Variants in MEGF11 observed in about 807,000 individuals in gnomAD.
MEGF11 encodes the protein multiple epidermal growth factor-like domains protein 11.
In MEGF11, 126 loss-of-function variants were observed where a neutral mutation model predicts 146.6. The observed-to-expected ratio is 0.86, with a 90% CI of 0.74 to 1.00. The LOEUF (loss-of-function observed/expected upper bound fraction) is 1.00, where lower values mean the gene tolerates loss of function less well. Among genes scored for constraint, MEGF11 ranks in the 50% least tolerant of loss-of-function variants. The pLI is 0.00. For synonymous variants in MEGF11, 532 were observed against 583.4 expected, an observed-to-expected ratio of 0.91 and a Z score of 1.27; for missense variants, 1,509 against 1,521.2, an observed-to-expected ratio of 0.99 and a Z score of 0.13.
At position 65,979,865 on chromosome 15, in the gene MEGF11, C is replaced by CT. The variant is rs1222505259; in HGVS notation, c.762+912dup. Among the ~76,000 whole-genome samples, 7 of 152,216 alleles carry CT rather than the reference C, an allele frequency of 4.6e-5. No individual in the cohort carries two copies. In the East Asian group the frequency reaches 1.3e-3, roughly 29 times the overall value. ...CTTGGGGGAAGGGGAGTAATTGAGG[C>CT]TTTTTTCAGGGTCAACATTGGCTTT... is the stretch of plus-strand genomic sequence containing the variant. On this transcript the variant is annotated intron_variant, in intron 7 of 25. Coordinates refer to ENST00000395614, the MANE Select transcript of MEGF11 (RefSeq NM_001385028.1).
chr15:66,107,970 G>T (rs2087178226), intron 4 of MEGF11, among the ~76,000 whole-genome samples: 1 of 152,178 alleles, frequency 6.6e-6, no homozygotes, highest in Admixed American at 6.5e-5. Flanking sequence ...CCGGGGCTGG[G>T]TAGGGAGGTG....
chr15:66,103,699 C>T (rs568319171), intron 4 of MEGF11, among the ~76,000 whole-genome samples: 120 of 152,250 alleles, frequency 7.9e-4, no homozygotes, highest in Non-Finnish European at 1.4e-3. Flanking sequence ...CCATCATATT[C>T]TCTTGTGGCA....
intron 5 of MEGF11, among the ~76,000 whole-genome samples, chr15:66,013,910 A>T (rs915003239): frequency 6.6e-6 from 1 of 152,220 alleles, no homozygotes; most frequent in Non-Finnish European, 1.5e-5. Flanking sequence ...GGGCCAGATC[A>T]TAGAGGTCTT....
chr15:65,935,309 G>GA (rs1346404698), intron 10 of MEGF11, among the ~76,000 whole-genome samples: 1 of 114,196 alleles, frequency 8.8e-6, no homozygotes, highest in Non-Finnish European at 1.6e-5. Flanking sequence ...GACAGAGCGA[G>GA]ACTCCGTCTC....
chr15:65,993,229 C>T (rs1299407614), intron 5 of MEGF11, among the ~76,000 whole-genome samples: 3 of 152,206 alleles, frequency 2.0e-5, no homozygotes, highest in Non-Finnish European at 2.9e-5. Context: ...GACCCCAGCA[C>T]TTTCACCTTA....
At chr15:66,103,283 A>G (rs911340142) in intron 4 of MEGF11, among the ~76,000 whole-genome samples, 10 of 152,220 alleles carry the variant, frequency 6.6e-5, no homozygotes, top group Non-Finnish European at 1.2e-4. Flanking sequence ...TCTGCAGGCT[A>G]CTGGCTATAA....
At chr15:66,130,259 T>A (rs1487798783) in intron 1 of MEGF11, among the ~76,000 whole-genome samples, 1 of 151,944 alleles carries the variant, frequency 6.6e-6, no homozygotes, top group Non-Finnish European at 1.5e-5. Context: ...CCAAGTGGGG[T>A]TTGGGCTAAT....
Position 65,959,506 on chromosome 15 carries a change from T to C in MEGF11, c.1113-1785A>G, listed in dbSNP as rs180960467. Among the ~76,000 whole-genome samples, 6 of 152,272 alleles carry C rather than the reference T, an allele frequency of 3.9e-5. No homozygotes were observed. The East Asian group carries it at 9.6e-4, about 24-fold the overall frequency. On this transcript the variant is annotated intron_variant, in intron 9 of 25. Transcript: ENST00000395614. ...AGATGCTTTAAAATGCTGGTAAAGG[T>C]TTCAAAACAATCTGAGGCTACATAT...
chr15:65,978,454 A>G (rs2081522961), intron 7 of MEGF11, among the ~76,000 whole-genome samples: 1 of 152,242 alleles, frequency 6.6e-6, no homozygotes. Context: ...AAAGGCTTCT[A>G]TCGACAGTTT....
At position 66,212,998 on chromosome 15, in the gene MEGF11, G is replaced by C. The variant is rs529427247; in HGVS notation, c.-9+40607C>G. On this transcript the variant is annotated intron_variant, in intron 1 of 25. Coordinates refer to ENST00000395614, the MANE Select transcript of MEGF11 (RefSeq NM_001385028.1). ...GCTTCCAGTCCTGTAGATCTGCGAG[G>C]GAGGGCCAAGAAGCTGTTTGGTGAT... Among the ~76,000 whole-genome samples the C allele has an allele frequency of 3.3e-5, 5 of 152,344 alleles. No homozygotes were observed. In the South Asian group the frequency reaches 1.0e-3, roughly 32 times the overall value.
intron 8 of MEGF11, among the ~76,000 whole-genome samples, chr15:65,965,688 G>C (rs1481806610): frequency 7.0e-6 from 1 of 142,424 alleles, no homozygotes; most frequent in East Asian, 2.3e-4. Flanking sequence ...TTTGGAAGCA[G>C]AGATTGGGGC....
At chr15:66,119,331 T>TA (rs1205482974) in intron 3 of MEGF11, 145 bp from the exon 4 acceptor site, 5 of 637,756 alleles carry the variant, frequency 7.8e-6, no homozygotes, top group East Asian at 5.5e-5. Flanking sequence ...AGGAACACAA[T>TA]AAAAAAATCA....
intron 5 of MEGF11, among the ~76,000 whole-genome samples, chr15:66,017,144 G>C (rs1318258543): frequency 1.3e-5 from 2 of 152,184 alleles, no homozygotes; most frequent in East Asian, 3.9e-4. Flanking sequence ...ACGGAGGAGG[G>C]GGAAGCCACA....
intron 1 of MEGF11, among the ~76,000 whole-genome samples, chr15:66,183,280 G>A (rs1437520303): frequency 3.9e-5 from 6 of 152,138 alleles, no homozygotes; most frequent in African/African-American, 7.2e-5. Flanking sequence ...TGGGAGGATC[G>A]CCCATGGTCA....
chr15:66,126,193 T>C (rs1380637576), intron 2 of MEGF11, among the ~76,000 whole-genome samples: 2 of 152,186 alleles, frequency 1.3e-5, no homozygotes, highest in Non-Finnish European at 2.9e-5. Flanking sequence ...TCTCCCTAAG[T>C]GGTCTCCAGG....
chr15:65,981,367 G>A (rs977300836), intron 6 of MEGF11, among the ~76,000 whole-genome samples: 2 of 152,206 alleles, frequency 1.3e-5, no homozygotes, highest in Non-Finnish European at 2.9e-5. Flanking sequence ...CCAGGCTCAG[G>A]AAGGCTCCCA....
intron 4 of MEGF11, among the ~76,000 whole-genome samples, chr15:66,098,676 C>T (rs1489970075): frequency 3.9e-5 from 6 of 152,190 alleles, no homozygotes; most frequent in African/African-American, 1.4e-4. Flanking sequence ...CATTAGCATT[C>T]TTGGCAAGAG....
intron 5 of MEGF11, among the ~76,000 whole-genome samples, chr15:66,027,354 G>A (rs981374231): frequency 6.6e-6 from 1 of 152,252 alleles, no homozygotes; most frequent in Admixed American, 6.5e-5. Context: ...TGTTATGCCT[G>A]AGTACCAGTG....
At chr15:66,147,174 C>A (rs2089404714) in intron 1 of MEGF11, among the ~76,000 whole-genome samples, 1 of 152,172 alleles carries the variant, frequency 6.6e-6, no homozygotes, top group African/African-American at 2.4e-5. Flanking sequence ...GTCCCTAAAC[C>A]ACCACCTCCC....
Sources: allele counts gnomAD v4.1 joint callset (sites outside exome capture counted in the v4.1 genomes callset), GRCh38; gene constraint gnomAD v4.1.1; transcripts MANE v1.5; gene names NCBI Gene and HGNC (gene_info 2026-07-23, HGNC 2026-07-21).